Variants in PTPRN2 observed in about 807,000 individuals in gnomAD.
The protein encoded by PTPRN2 is protein tyrosine phosphatase receptor type N2, also known as receptor-type tyrosine-protein phosphatase N2.
PTPRN2 carries 74 observed loss-of-function variants against 118.8 expected under a neutral mutation model. The observed-to-expected ratio is 0.62, with a 90% CI of 0.52 to 0.76. PTPRN2 has a LOEUF of 0.76. PTPRN2 is among the 30% of genes least tolerant of loss of function. PTPRN2 has a pLI of 0.00. For synonymous variants in PTPRN2, 641 were observed against 608.0 expected, an observed-to-expected ratio of 1.05 and a Z score of -0.80; for missense variants, 1,481 against 1,394.4, an observed-to-expected ratio of 1.06 and a Z score of -0.99.
At chr7:158,135,180 T>C (rs1236794789) in intron 8 of PTPRN2, among the ~76,000 whole-genome samples, 2 of 152,234 alleles carry the variant, frequency 1.3e-5, no homozygotes, top group African/African-American at 2.4e-5. Flanking sequence ...CAGGAAAATC[T>C]GATTCACTTT....
At chr7:158,305,800 AAAAAAAAG>A (rs949877584) in intron 3 of PTPRN2, among the ~76,000 whole-genome samples, 6 of 152,152 alleles carry the variant, frequency 3.9e-5, no homozygotes, top group African/African-American at 1.2e-4. Flanking sequence ...CTCAAAAAAA[AAAAAAAAG>A]AAAGAAAGAA....
rs1226882326 is a variant in PTPRN2, at chr7:158,529,569, C to T, written c.113-39784G>A. On this transcript the variant is annotated intron_variant, in intron 1 of 22. Coordinates refer to ENST00000389418, the MANE Select transcript of PTPRN2 (RefSeq NM_002847.5). This position sits in a 1 kb window ranked among gnomAD's most constrained non-coding sequence, Gnocchi z 4.7. Reference sequence around the variant, plus strand: ...ATTAGATATTTTGTGCATTTTTGACCAAAATGAGTCAAATGTGGGGAGAGT... The same window carrying T: ...ATTAGATATTTTGTGCATTTTTGACTAAAATGAGTCAAATGTGGGGAGAGT... 6.6e-6 allele frequency among the ~76,000 whole-genome samples: 1 copy of T among 152,198 alleles called. No individual in the cohort carries two copies. The highest frequency in any genetic ancestry group is 1.5e-5 in the Non-Finnish European group (1 of 68,046).
rs557950607 is a variant in PTPRN2 at position 157,937,504 on chromosome 7, C to G, written c.1724-38767G>C. Among the ~76,000 whole-genome samples, 9 of 152,346 alleles carry G rather than the reference C, an allele frequency of 5.9e-5. No individual in the cohort carries two copies. In the South Asian group the frequency reaches 1.9e-3, roughly 32 times the overall value. On this transcript the variant is annotated intron_variant, in intron 11 of 22. Transcript: ENST00000389418. The stretch of plus-strand genomic sequence containing the variant: ...CAGGCACAGAGAAGACACTCAGCAT[C>G]GGATGAGAGAATAAAGCCGTGTGCG...
chr7:157,725,212 C>T (rs1251864504), intron 12 of PTPRN2, among the ~76,000 whole-genome samples: 3 of 150,000 alleles, frequency 2.0e-5, no homozygotes, highest in African/African-American at 7.4e-5. Flanking sequence ...AGGACTGCGG[C>T]CAGACCCTCG....
chr7:158,567,272 G>A (rs753356222), intron 1 of PTPRN2, among the ~76,000 whole-genome samples: 4 of 152,202 alleles, frequency 2.6e-5, no homozygotes, highest in Non-Finnish European at 5.9e-5. Flanking sequence ...ACACCTGTGT[G>A]CACTTCCCAC....
intron 11 of PTPRN2, among the ~76,000 whole-genome samples, chr7:157,927,287 G>C (rs185002407): frequency 1.1e-3 from 58 of 53,558 alleles, no homozygotes; most frequent in Non-Finnish European, 1.4e-3. Flanking sequence ...CCAGGGACCC[G>C]TCTGAGAGCA....
chr7:157,848,189 A>G (rs940139852), intron 12 of PTPRN2, among the ~76,000 whole-genome samples: 1 of 147,854 alleles, frequency 6.8e-6, no homozygotes, highest in African/African-American at 2.5e-5. Context: ...ATGTTTACAG[A>G]GCCCTCTCTC....
intron 2 of PTPRN2, among the ~76,000 whole-genome samples, chr7:158,461,675 T>C (rs1274349763): frequency 3.3e-5 from 5 of 152,234 alleles, no homozygotes; most frequent in East Asian, 1.9e-4. Flanking sequence ...CACTGGGTAC[T>C]ACACGCGAGC....
At chr7:158,070,796 AGGTGCCCG>A (rs1811289118) in intron 11 of PTPRN2, among the ~76,000 whole-genome samples, 4 of 78,158 alleles carry the variant, frequency 5.1e-5, no homozygotes, top group African/African-American at 1.8e-4. Flanking sequence ...GTGGTGGTGG[AGGTGCCCG>A]TGGTGGTGAA....
Position 158,124,751 on chromosome 7 carries a change from G to A in PTPRN2, c.1556+8926C>T, listed in dbSNP as rs558961409. Among the ~76,000 whole-genome samples, 548 of 152,242 alleles carry A rather than the reference G, an allele frequency of 3.6e-3. 8 individuals carry two copies. Among genetic ancestry groups the A allele is most frequent in the African/African-American group, 0.012 (500 of 41,550 alleles). On this transcript the variant is annotated intron_variant, in intron 9 of 22. Transcript: ENST00000389418. ...GGAGGGCCTGGTGGAGTGTCCCCAA[G>A]ATGCACCTGCAGAGCTGCTGGTCAG...
chr7:158,481,174 G>T (rs1017573143), intron 2 of PTPRN2, among the ~76,000 whole-genome samples: 6 of 152,222 alleles, frequency 3.9e-5, no homozygotes, highest in African/African-American at 1.4e-4. Flanking sequence ...TTGTTCATCC[G>T]AGGGCCCTTA....
intron 9 of PTPRN2, among the ~76,000 whole-genome samples, chr7:158,121,529 T>A (rs1817173397): frequency 6.6e-6 from 1 of 152,236 alleles, no homozygotes; most frequent in African/African-American, 2.4e-5. Context: ...AATCAATGTT[T>A]GCTACCAAAT....
At position 157,610,137 on chromosome 7, in the gene PTPRN2, C is replaced by T. The variant is rs1287288266; in HGVS notation, c.2345-6062G>A. The stretch of plus-strand genomic sequence containing the variant: ...GCTCTGCAGGGCCAAGAATCTGCCT[C>T]CCACCAGCACATGGGCTCCACGGTG... On this transcript the variant is annotated intron_variant, in intron 15 of 22. Transcript: ENST00000389418. The surrounding 1 kb of genome is among the most constrained non-coding windows in gnomAD (Gnocchi z 5.1). 2.0e-5 allele frequency among the ~76,000 whole-genome samples: 3 copies of T among 152,178 alleles called. No individual in the cohort carries two copies. Among genetic ancestry groups the T allele is most frequent in the African/African-American group, 7.2e-5 (3 of 41,446 alleles).
At chr7:157,562,192 G>C (rs1799227312) in intron 21 of PTPRN2, among the ~76,000 whole-genome samples, 1 of 152,218 alleles carries the variant, frequency 6.6e-6, no homozygotes, top group Non-Finnish European at 1.5e-5. Context: ...TCTGGGGACA[G>C]CTCCAGGGCC....
chr7:158,150,126 A>C (rs1008264961), intron 6 of PTPRN2, among the ~76,000 whole-genome samples: 8 of 152,150 alleles, frequency 5.3e-5, no homozygotes, highest in Admixed American at 4.6e-4. Flanking sequence ...TGAGCTCTGA[A>C]GCTTGGCCGG....
chr7:158,285,729 G>A (rs531135913), intron 3 of PTPRN2, among the ~76,000 whole-genome samples: 14 of 152,358 alleles, frequency 9.2e-5, no homozygotes, highest in South Asian at 6.2e-4. Flanking sequence ...GTGGAACAGC[G>A]TAGAGCGCGG....
intron 1 of PTPRN2, among the ~76,000 whole-genome samples, chr7:158,503,480 G>T (rs1296032992): frequency 6.6e-6 from 1 of 152,176 alleles, no homozygotes; most frequent in Admixed American, 6.5e-5. Context: ...CCCCCGGCCT[G>T]TCTCCCCACC....
rs550589103 is a variant in PTPRN2 at position 157,767,099 on chromosome 7, C to T, written c.1789-84162G>A. Among the ~76,000 whole-genome samples the T allele has an allele frequency of 1.9e-3, 286 of 152,262 alleles. 2 individuals carry two copies. The highest frequency in any genetic ancestry group is 6.2e-3 in the African/African-American group (258 of 41,552). ...GCAGGGTAGGGGCCAGGCCTTGGCA[C>T]GTCTTGATTCAAATCCTGGCACTTG... On this transcript the variant is annotated intron_variant, in intron 12 of 22. Transcript: ENST00000389418.
At chr7:158,420,601 T>C (rs1815167881) in intron 2 of PTPRN2, among the ~76,000 whole-genome samples, 1 of 152,172 alleles carries the variant, frequency 6.6e-6, no homozygotes. Context: ...ATCCCACCAG[T>C]GCGCATTGCC....
Sources: gnomAD v4.1 joint callset for allele counts (sites outside exome capture counted in the v4.1 genomes callset) on GRCh38, gnomAD v4.1.1 for gene constraint, Gnocchi (gnomAD v3.1) non-coding constraint, MANE v1.5 for transcripts, NCBI Gene and HGNC (gene_info 2026-07-23, HGNC 2026-07-21) for gene names.